Variants in PDE3B observed in about 807,000 individuals in gnomAD.
PDE3B encodes the protein phosphodiesterase 3B, also known as cGMP-inhibited 3',5'-cyclic phosphodiesterase 3B.
In PDE3B, 66 loss-of-function variants were observed where a neutral mutation model predicts 116.8. The observed-to-expected ratio is 0.56, with a 90% CI of 0.46 to 0.69. The LOEUF (loss-of-function observed/expected upper bound fraction) is 0.69. Ranked by LOEUF, PDE3B falls within the 30% of genes least tolerant of loss-of-function variation. The probability of loss-of-function intolerance (pLI) is 0.00; values close to 1 mark genes in which losing one functional copy is unlikely to be tolerated. For synonymous variants in PDE3B, 595 were observed against 533.6 expected (o/e 1.12, Z -1.59); for missense variants, 1,384 against 1,368.1 (o/e 1.01, Z -0.18).
chr11:14,769,999 A>C (rs150884067), intron 1 of PDE3B, among the ~76,000 whole-genome samples: 1 of 151,588 alleles, frequency 6.6e-6, no homozygotes, highest in African/African-American at 2.4e-5. Flanking sequence ...CCTAATGAAA[A>C]GTATACTTGA....
intron 1 of PDE3B, among the ~76,000 whole-genome samples, chr11:14,749,181 C>T (rs907848763): frequency 1.3e-5 from 2 of 152,178 alleles, no homozygotes; most frequent in South Asian, 2.1e-4. Context: ...GAGCCATCCA[C>T]GCCTGGCCAA....
intron 15 of PDE3B, 83 bp downstream of exon 15, chr11:14,867,841 C>T: frequency 2.4e-6 from 3 of 1,236,892 alleles, no homozygotes; most frequent in Non-Finnish European, 3.3e-6. Context: ...TGAAATGCTC[C>T]AAAATCCAAA....
intron 1 of PDE3B, among the ~76,000 whole-genome samples, chr11:14,657,268 A>G (rs940221062): frequency 2.0e-5 from 3 of 152,120 alleles, no homozygotes; most frequent in African/African-American, 7.2e-5. Flanking sequence ...ACTATGCAGC[A>G]CCTCCCCAGG....
At position 14,644,803 on chromosome 11, in the gene PDE3B, C is replaced by T. The variant is rs766733047; in HGVS notation, c.728C>T (p.Ala243Val). The change falls in exon 1 of 16, where the codon GCC becomes GTC. Residue 243 changes from alanine to valine, a missense_variant. Physicochemically the swap from Ala to Val is moderately conservative, Grantham distance 64. Around this residue, in one of 2 missense-constraint regions of PDE3B, gnomAD observed 956 missense variants for 806.8 expected, o/e 1.18. Transcript: ENST00000282096. ...ACCAGCCTCGGGTCGCTGCCCTCCG[C>T]CCTCAGGCCGCTGCTCTCCGGCCTG... The part of the protein sequence containing the change: ...SFTSLGSLPS[A>V]LRPLLSGLVG... The T allele has an allele frequency of 6.2e-7, 1 of 1,611,306 alleles. No homozygotes were observed. Among genetic ancestry groups the T allele is most frequent in the Admixed American group, 1.7e-5 (1 of 59,740 alleles).
chr11:14,893,576 C>T, the PDE3B span, among the ~76,000 whole-genome samples: 1 of 152,136 alleles, frequency 6.6e-6, no homozygotes, highest in Non-Finnish European at 1.5e-5. Flanking sequence ...ATTCTATTTC[C>T]TTGTCTTTTT....
intron 1 of PDE3B, among the ~76,000 whole-genome samples, chr11:14,659,923 C>G (rs1218458105): frequency 1.3e-5 from 2 of 152,136 alleles, no homozygotes; most frequent in African/African-American, 4.8e-5. Context: ...AAATTATTAG[C>G]AGGCACAGCA....
intron 14 of PDE3B, among the ~76,000 whole-genome samples, chr11:14,866,285 G>A (rs2133995536): frequency 6.6e-6 from 1 of 152,246 alleles, no homozygotes; most frequent in South Asian, 2.1e-4. Context: ...AATGTCATCT[G>A]ATATCCTCCC....
At chr11:14,797,553 T>C (rs1197678483) in intron 4 of PDE3B, among the ~76,000 whole-genome samples, 1 of 152,254 alleles carries the variant, frequency 6.6e-6, no homozygotes, top group African/African-American at 2.4e-5. Flanking sequence ...TGATTCTTCC[T>C]ATCCATTAGC....
chr11:14,810,721 TA>T (rs1199093003), intron 5 of PDE3B, among the ~76,000 whole-genome samples: 1 of 143,192 alleles, frequency 7.0e-6, no homozygotes, highest in East Asian at 2.0e-4. Context: ...TTTCTAGTTC[TA>T]GATCCCTGAG....
intron 1 of PDE3B, among the ~76,000 whole-genome samples, chr11:14,679,558 G>C (rs891403332): frequency 6.6e-6 from 1 of 151,782 alleles, no homozygotes; most frequent in Non-Finnish European, 1.5e-5. Context: ...TCTGCTCCAC[G>C]CAGTGGAATC....
At chr11:14,811,610 G>A (rs925739158) in intron 5 of PDE3B, among the ~76,000 whole-genome samples, 9 of 152,102 alleles carry the variant, frequency 5.9e-5, no homozygotes, top group Admixed American at 1.3e-4. Context: ...CTTAGGATTG[G>A]CTTGGCGATG....
intron 1 of PDE3B, among the ~76,000 whole-genome samples, chr11:14,727,117 G>A (rs1368834400): frequency 1.3e-5 from 2 of 152,032 alleles, no homozygotes; most frequent in Admixed American, 6.6e-5. Context: ...TTTCATTAGA[G>A]TCCTTGGTAA....
intron 5 of PDE3B, among the ~76,000 whole-genome samples, chr11:14,810,855 C>T (rs1859104559): frequency 6.8e-6 from 1 of 147,992 alleles, no homozygotes; most frequent in Non-Finnish European, 1.5e-5. Flanking sequence ...TTAATGACTG[C>T]CATTCTAACT....
intron 11 of PDE3B, among the ~76,000 whole-genome samples, chr11:14,839,586 C>T (rs1860159621): frequency 6.6e-6 from 1 of 152,186 alleles, no homozygotes; most frequent in Non-Finnish European, 1.5e-5. Context: ...TGATATTTGG[C>T]ACAGAGCAAT....
intron 5 of PDE3B, among the ~76,000 whole-genome samples, chr11:14,816,941 A>G (rs1414139590): frequency 6.6e-6 from 1 of 152,224 alleles, no homozygotes; most frequent in Non-Finnish European, 1.5e-5. Flanking sequence ...TACTGGGTAT[A>G]TACCCAAAGG....
At chr11:14,667,914 GA>G (rs1854229285) in intron 1 of PDE3B, among the ~76,000 whole-genome samples, 1 of 151,710 alleles carries the variant, frequency 6.6e-6, no homozygotes, top group Non-Finnish European at 1.5e-5. Context: ...TGCCTGGTAA[GA>G]GCTCAAATAG....
chr11:14,791,284 C>A (rs992508164), intron 4 of PDE3B, among the ~76,000 whole-genome samples: 17 of 152,088 alleles, frequency 1.1e-4, no homozygotes, highest in Admixed American at 9.8e-4. Context: ...GATTTTGAGT[C>A]TTGAGCTTTG....
intron 1 of PDE3B, among the ~76,000 whole-genome samples, chr11:14,749,351 T>C (rs1856995864): frequency 6.6e-6 from 1 of 152,152 alleles, no homozygotes; most frequent in East Asian, 1.9e-4. Flanking sequence ...TAAGCTAGCT[T>C]ATGCAGGTAC....
the PDE3B span, chr11:14,880,842 T>C: frequency 7.0e-7 from 1 of 1,422,110 alleles, no homozygotes; most frequent in Non-Finnish European, 9.5e-7. Flanking sequence ...ACAAAATTTT[T>C]TTAATGGATG....
Sources: gnomAD v4.1 joint callset for allele counts (sites outside exome capture counted in the v4.1 genomes callset) on GRCh38, gnomAD v4.1.1 for gene constraint, gnomAD v4.1.1 regional missense constraint, MANE v1.5 for transcripts, NCBI Gene and HGNC (gene_info 2026-07-23, HGNC 2026-07-21) for gene names.